Variants in TMEM132D observed in about 807,000 individuals in gnomAD.
TMEM132D encodes mature OL transmembrane protein.
A neutral mutation model predicts 62.3 loss-of-function variants in TMEM132D; 21 were observed. The ratio of observed to expected loss-of-function variants is 0.34; its 90% CI spans 0.24 to 0.49. TMEM132D has a LOEUF of 0.49. Ranked by LOEUF, TMEM132D falls within the 20% of genes least tolerant of loss-of-function variation. The pLI, the probability that TMEM132D is intolerant of heterozygous loss-of-function variation, is 0.99. For missense variants in TMEM132D, 1,346 were observed against 1,402.8 expected (o/e 0.96, Z 0.65); for synonymous variants, 621 against 575.6 (o/e 1.08, Z -1.13).
chr12:129,469,910 C>T (rs532269798), intron 3 of TMEM132D, among the ~76,000 whole-genome samples: 1 of 152,290 alleles, frequency 6.6e-6, no homozygotes, highest in East Asian at 1.9e-4. Context: ...ATTGCCTGCT[C>T]CTTTCCAAAG....
At chr12:129,606,286 G>A (rs1394551766) in intron 2 of TMEM132D, among the ~76,000 whole-genome samples, 2 of 152,044 alleles carry the variant, frequency 1.3e-5, no homozygotes. Context: ...TGATCGAGCC[G>A]GTCCACAGAC....
chr12:129,173,127 G>A (rs1458068913), intron 5 of TMEM132D, among the ~76,000 whole-genome samples: 1 of 152,178 alleles, frequency 6.6e-6, no homozygotes, highest in Non-Finnish European at 1.5e-5. Flanking sequence ...TTGACCAAAT[G>A]TGACACAGAG....
chr12:129,845,143 T>G (rs1873321325), intron 1 of TMEM132D, among the ~76,000 whole-genome samples: 1 of 152,198 alleles, frequency 6.6e-6, no homozygotes, highest in African/African-American at 2.4e-5. Flanking sequence ...ACATACGTAC[T>G]CAAGGGAAAT....
In TMEM132D at chr12:129,337,726, C is replaced by T. The variant is rs1869339750; in HGVS notation, c.1207G>A (p.Val403Ile). The T allele has an allele frequency of 6.2e-7, 1 of 1,614,226 alleles. No homozygotes were observed. The highest frequency in any genetic ancestry group is 8.5e-7 in the Non-Finnish European group (1 of 1,180,034). Residue 403 changes from valine (V) to isoleucine (I), a missense_variant, in exon 4 of 9, where the codon GTC (valine) becomes ATC (isoleucine). By Grantham distance (29) the Val-to-Ile change is conservative. Coordinates refer to ENST00000422113, the MANE Select transcript of TMEM132D (RefSeq NM_133448.3). ...LPATQLVTWQ[V>I]EYPGEITSDL... ...GACGTGATCTCTCCGGGGTACTCGA[C>T]CTGCCACGTGACCAGCTGTGTGGCT...
chr12:129,531,801 T>C (rs1431095080), intron 2 of TMEM132D, among the ~76,000 whole-genome samples: 1 of 152,218 alleles, frequency 6.6e-6, no homozygotes, highest in African/African-American at 2.4e-5. Context: ...CTTTTTATAA[T>C]CTTGTCTTCT....
At chr12:129,608,538 G>C (rs545764103) in intron 2 of TMEM132D, among the ~76,000 whole-genome samples, 14 of 152,166 alleles carry the variant, frequency 9.2e-5, no homozygotes, top group Non-Finnish European at 2.1e-4. Flanking sequence ...TCGCTGGATG[G>C]AAATGCAGTC....
At chr12:129,688,932 C>T (rs1046177424) in intron 2 of TMEM132D, among the ~76,000 whole-genome samples, 3 of 152,168 alleles carry the variant, frequency 2.0e-5, no homozygotes, top group African/African-American at 4.8e-5. Flanking sequence ...GTCCAGGATT[C>T]TCTAACCAGA....
At chr12:129,484,250 G>C (rs948002666) in intron 3 of TMEM132D, among the ~76,000 whole-genome samples, 4 of 152,132 alleles carry the variant, frequency 2.6e-5, no homozygotes, top group African/African-American at 9.7e-5. Flanking sequence ...GAGTCAACGT[G>C]AGTCACCGCA....
intron 8 of TMEM132D, among the ~76,000 whole-genome samples, chr12:129,077,645 CATACGGACACACATAA>C (rs753496016): frequency 5.3e-5 from 8 of 150,944 alleles, no homozygotes; most frequent in Non-Finnish European, 8.9e-5. Context: ...GACACACATG[CATACGGACACACATAA>C]AGCAAAAACA....
In TMEM132D at chr12:129,125,499, A is replaced by ATT. The variant is rs1565972138; in HGVS notation, c.1444-40798_1444-40797insAA. The stretch of plus-strand genomic sequence containing the variant: ...GATGTGACGATGTCGAATTACTATG[A>ATT]GTTTTTTTTTTTTTTTTTTTTTTGA... On this transcript the variant is annotated intron_variant, in intron 5 of 8. Coordinates refer to ENST00000422113, the MANE Select transcript of TMEM132D (RefSeq NM_133448.3). Among the ~76,000 whole-genome samples the ATT allele has an allele frequency of 1.0e-3, 132 of 127,804 alleles. 5 individuals carry two copies. The highest frequency in any genetic ancestry group is 2.9e-3 in the African/African-American group (98 of 33,282). 83.8% of individuals were successfully genotyped at this position (127,804 alleles called of 152,430 possible).
intron 3 of TMEM132D, among the ~76,000 whole-genome samples, chr12:129,400,829 C>A (rs1871600418): frequency 6.6e-6 from 1 of 152,156 alleles, no homozygotes; most frequent in Non-Finnish European, 1.5e-5. Flanking sequence ...AGTGGGAAAG[C>A]AACCAATATC....
intron 1 of TMEM132D, among the ~76,000 whole-genome samples, chr12:129,701,436 G>C (rs552056984): frequency 6.6e-6 from 1 of 152,242 alleles, no homozygotes; most frequent in South Asian, 2.1e-4. Context: ...AGGGCCGGGC[G>C]TACAAAGCAA....
intron 5 of TMEM132D, among the ~76,000 whole-genome samples, chr12:129,127,608 C>T (rs924536442): frequency 2.6e-5 from 4 of 152,164 alleles, no homozygotes; most frequent in Admixed American, 1.3e-4. Flanking sequence ...AACACGTCTC[C>T]ATTTGTCACC....
intron 1 of TMEM132D, among the ~76,000 whole-genome samples, chr12:129,770,665 C>A (rs75675020): frequency 6.6e-6 from 1 of 152,122 alleles, no homozygotes; most frequent in Non-Finnish European, 1.5e-5. Flanking sequence ...ACCTAACCTA[C>A]GGAACATCAC....
rs796886015 is a variant in TMEM132D at position 129,088,809 on chromosome 12, C to A, written c.1444-4107G>T. On this transcript the variant is annotated intron_variant, in intron 5 of 8. Coordinates refer to ENST00000422113, the MANE Select transcript of TMEM132D (RefSeq NM_133448.3). ...TGTCCTCCATGACCGGGTGTCCTCC[C>A]TGACCGGGTGTCCTCCATGACCGGG... Among the ~76,000 whole-genome samples, 168 of 31,276 alleles carry A rather than the reference C, an allele frequency of 5.4e-3. 8 individuals are homozygous for A. The highest frequency in any genetic ancestry group is 9.9e-3 in the South Asian group (8 of 812). 20.5% of individuals were successfully genotyped at this position (31,276 alleles called of 152,430 possible).
intron 4 of TMEM132D, among the ~76,000 whole-genome samples, chr12:129,267,481 T>C (rs947029633): frequency 2.0e-5 from 3 of 152,176 alleles, no homozygotes; most frequent in African/African-American, 7.2e-5. Flanking sequence ...TTACAAGGGA[T>C]GTGAAGGACC....
At chr12:129,896,326 G>A (rs1875130061) in intron 1 of TMEM132D, among the ~76,000 whole-genome samples, 1 of 152,102 alleles carries the variant, frequency 6.6e-6, no homozygotes, top group Non-Finnish European at 1.5e-5. Flanking sequence ...GTTCCAAGAG[G>A]CAGTGGCTGC....
chr12:129,817,645 G>C (rs1227643471), intron 1 of TMEM132D, among the ~76,000 whole-genome samples: 1 of 144,596 alleles, frequency 6.9e-6, no homozygotes. Context: ...TGTGGGGTGT[G>C]TCTGTAATAT....
At chr12:129,553,435 A>G (rs1343159012) in intron 2 of TMEM132D, among the ~76,000 whole-genome samples, 1 of 152,154 alleles carries the variant, frequency 6.6e-6, no homozygotes, top group Non-Finnish European at 1.5e-5. Flanking sequence ...GGAAAGACTC[A>G]AGGAGAAACT....
Sources: gnomAD v4.1 joint callset for allele counts (sites outside exome capture counted in the v4.1 genomes callset) on GRCh38, gnomAD v4.1.1 for gene constraint, MANE v1.5 for transcripts, NCBI Gene and HGNC (gene_info 2026-07-23, HGNC 2026-07-21) for gene names.